FARP2: variants seen among roughly 807,000 people sequenced by gnomAD.
FARP2 encodes the protein FERM, ARHGEF and pleckstrin domain-containing protein 2.
A neutral mutation model predicts 130.5 loss-of-function variants in FARP2; 111 were observed. That is an observed-to-expected ratio of 0.85 (90% confidence interval 0.73 to 1.00). FARP2 has a LOEUF of 1.00. Among genes scored for constraint, FARP2 ranks in the 50% least tolerant of loss-of-function variants. The probability of loss-of-function intolerance (pLI) is 0.00; values close to 1 mark genes in which losing one functional copy is unlikely to be tolerated. For synonymous variants in FARP2, 504 were observed against 516.9 expected (o/e 0.98, Z 0.34); for missense variants, 1,385 against 1,346.3 (o/e 1.03, Z -0.45).
chr2:241,472,358 C>G (rs1021523391), intron 18 of FARP2, among the ~76,000 whole-genome samples: 1 of 150,856 alleles, frequency 6.6e-6, no homozygotes. Context: ...TGTGGGGATT[C>G]TGTTATGTGG....
rs1559786201 is a variant in FARP2 at position 241,453,768 on chromosome 2, G to GTTT, written c.1412-2979_1412-2978insTTT. Among the ~76,000 whole-genome samples the GTTT allele has an allele frequency of 1.5e-4, 15 of 99,880 alleles. 5 individuals carry two copies. Among genetic ancestry groups the GTTT allele is most frequent in the Admixed American group, 7.7e-4 (6 of 7,836 alleles). The allele number at this position is 99,880 out of a possible 152,430, so 65.5% of individuals were successfully genotyped here. A position where few individuals can be genotyped will look rare whatever the true frequency, so the allele number is the denominator to read the frequency against. The stretch of plus-strand genomic sequence containing the variant: ...TTGTTTACTGGGAGTGGCACTTACT[G>GTTT]GTTTTTTTTTTTTTTTTTTTTTTTT... On this transcript the variant is annotated intron_variant, in intron 13 of 26. Transcript: ENST00000264042.
chr2:241,490,274 C>A (rs2064860020), intron 22 of FARP2, among the ~76,000 whole-genome samples: 1 of 152,214 alleles, frequency 6.6e-6, no homozygotes, highest in Admixed American at 6.5e-5. Flanking sequence ...AGTGGCAGGC[C>A]CCAGTGCTGT....
rs1416794864 is a variant in FARP2 at position 241,405,658 on chromosome 2, G to C, written c.331+817G>C. 0.019 allele frequency among the ~76,000 whole-genome samples: 3 copies of C among 160 alleles called. No individual in the cohort carries two copies. The South Asian group carries it at 0.38, about 20-fold the overall frequency. 0.1% of individuals were successfully genotyped at this position (160 alleles called of 152,430 possible). ...TTATTACTATTAATAATACTGGCCC[G>C]GTGTGGGGCTCATGCCTGTAATCTT... is the stretch of plus-strand genomic sequence containing the variant. On this transcript the variant is annotated intron_variant, in intron 4 of 26. Coordinates refer to ENST00000264042, the MANE Select transcript of FARP2 (RefSeq NM_014808.4).
intron 17 of FARP2, chr2:241,466,374 C>A: frequency 1.0e-6 from 1 of 985,426 alleles, no homozygotes; most frequent in Middle Eastern, 5.2e-4. Context: ...AGGATTGAAG[C>A]CATGACCAGG....
Position 241,422,260 on chromosome 2 carries a change from CAAA to C in FARP2, c.771+4169_771+4171del, listed in dbSNP as rs1198628886. On this transcript the variant is annotated intron_variant, in intron 8 of 26. Transcript: ENST00000264042. ...TGAAACCCCATCTCTACTAAAAATA[CAAA>C]AAAAAAAAAAAAAAAAATTAACCAC... 1.5e-3 allele frequency among the ~76,000 whole-genome samples: 140 copies of C among 91,966 alleles called. 1 individual carries two copies. In the East Asian group the frequency reaches 0.026, roughly 17 times the overall value. 60.3% of individuals were successfully genotyped at this position (91,966 alleles called of 152,430 possible).
intron 12 of FARP2, among the ~76,000 whole-genome samples, chr2:241,437,648 A>G (rs367576090): frequency 7.2e-6 from 1 of 139,528 alleles, no homozygotes; most frequent in Non-Finnish European, 1.5e-5. Flanking sequence ...ACATATATAT[A>G]TATTTATTTA....
At chr2:241,413,058 A>G (rs902516157) in intron 6 of FARP2, among the ~76,000 whole-genome samples, 1 of 152,130 alleles carries the variant, frequency 6.6e-6, no homozygotes, top group African/African-American at 2.4e-5. Flanking sequence ...AAACTCATCA[A>G]TGTTTGCCTC....
chr2:241,446,500 G>A (rs1225265209), intron 13 of FARP2: 4 of 152,216 alleles, frequency 2.6e-5, no homozygotes, highest in Admixed American at 1.3e-4. Flanking sequence ...GCTCTGAGGA[G>A]TAATTGTAGC....
rs183414629 is a variant in FARP2 at position 241,389,466 on chromosome 2, C to T, written c.184-14362C>T. ...TATCTACTGCCAGCTTGACTGCAGA[C>T]TTCCAGCCTCCAGAACTATGAGAAA... On this transcript the variant is annotated intron_variant, in intron 2 of 26. Transcript: ENST00000264042. 8.5e-5 allele frequency among the ~76,000 whole-genome samples: 13 copies of T among 152,362 alleles called. No individual in the cohort carries two copies. In the East Asian group the frequency reaches 2.5e-3, roughly 29 times the overall value.
At chr2:241,408,303 C>T (rs1055590478) in intron 5 of FARP2, among the ~76,000 whole-genome samples, 17 of 151,876 alleles carry the variant, frequency 1.1e-4, no homozygotes, top group African/African-American at 2.9e-4. Context: ...ACCCGAGAGG[C>T]GGAGTTTGCA....
At chr2:241,377,333 CTTTTT>C (rs1258121395) in intron 2 of FARP2, among the ~76,000 whole-genome samples, 1 of 129,720 alleles carries the variant, frequency 7.7e-6, no homozygotes, top group Non-Finnish European at 1.6e-5. Flanking sequence ...TTGTTGGTTT[CTTTTT>C]TTTTTTTTTT....
intron 1 of FARP2, among the ~76,000 whole-genome samples, chr2:241,365,645 A>G (rs547864554): frequency 2.6e-5 from 4 of 152,230 alleles, no homozygotes; most frequent in African/African-American, 7.2e-5. Flanking sequence ...TTTCTCCTGT[A>G]GGATTTCTTT....
intron 19 of FARP2, among the ~76,000 whole-genome samples, chr2:241,483,025 C>T (rs1274677523): frequency 7.4e-6 from 1 of 135,714 alleles, no homozygotes; most frequent in Non-Finnish European, 1.7e-5. Flanking sequence ...ATTCTCGAAC[C>T]TGCTCCTGGT....
At chr2:241,408,804 T>A (rs1301590716) in intron 5 of FARP2, among the ~76,000 whole-genome samples, 1 of 152,198 alleles carries the variant, frequency 6.6e-6, no homozygotes, top group Non-Finnish European at 1.5e-5. Context: ...CTTTTAAAGG[T>A]TTCTGCATAT....
chr2:241,443,581 T>G (rs1337972399), intron 13 of FARP2: 1 of 152,248 alleles, frequency 6.6e-6, no homozygotes, highest in African/African-American at 2.4e-5. Flanking sequence ...GGGTACCACA[T>G]GGAGAGCTTC....
chr2:241,461,276 C>T (rs1456996310), intron 14 of FARP2, among the ~76,000 whole-genome samples: 2 of 152,174 alleles, frequency 1.3e-5, no homozygotes, highest in African/African-American at 2.4e-5. Flanking sequence ...CCCCTCACCC[C>T]TCCGCGCCCC....
At chr2:241,407,855 T>A (rs1379318999) in intron 5 of FARP2, among the ~76,000 whole-genome samples, 2 of 152,184 alleles carry the variant, frequency 1.3e-5, no homozygotes, top group Non-Finnish European at 2.9e-5. Flanking sequence ...GAATGGGATG[T>A]TAGGGTCATG....
intron 8 of FARP2, among the ~76,000 whole-genome samples, chr2:241,428,578 T>A (rs886355957): frequency 6.8e-6 from 1 of 146,552 alleles, no homozygotes; most frequent in Non-Finnish European, 1.5e-5. Flanking sequence ...AAGTCCTCAT[T>A]TAGACCCTAA....
At chr2:241,356,910 C>T (rs888574964) in intron 1 of FARP2, among the ~76,000 whole-genome samples, 1 of 152,218 alleles carries the variant, frequency 6.6e-6, no homozygotes, top group Non-Finnish European at 1.5e-5. Context: ...AGGTGGGAAT[C>T]AAGTGTTAGG....
Sources: allele counts gnomAD v4.1 joint callset (sites outside exome capture counted in the v4.1 genomes callset), GRCh38; gene constraint gnomAD v4.1.1; transcripts MANE v1.5; gene names NCBI Gene and HGNC (gene_info 2026-07-23, HGNC 2026-07-21).